Variants in ANKRD30A observed in about 807,000 individuals in gnomAD.
ANKRD30A encodes the protein ankyrin repeat domain-containing protein 30A.
Under a neutral mutation model 166.3 loss-of-function variants are expected in ANKRD30A, and 170 were observed. The observed-to-expected ratio is 1.02, with a 90% CI of 0.90 to 1.16. The LOEUF (loss-of-function observed/expected upper bound fraction) is 1.16. Ranked by LOEUF, ANKRD30A falls within the 50% of genes most tolerant of loss-of-function variation. The pLI is 0.00. For missense variants in ANKRD30A, 1,630 were observed against 1,518.0 expected (o/e 1.07, Z -1.23); for synonymous variants, 564 against 508.9 (o/e 1.11, Z -1.46).
At chr10:37,236,060 G>A (rs564875599), downstream of ANKRD30A, among the ~76,000 whole-genome samples, 14 of 152,234 alleles carry the variant, frequency 9.2e-5, no homozygotes, top group East Asian at 1.4e-3. Flanking sequence ...GAGCCACCGC[G>A]CCGGGCCTGA....
intron 19 of ANKRD30A, 85 bp downstream of exon 19, chr10:37,166,780 A>C: frequency 1.9e-6 from 3 of 1,569,684 alleles, no homozygotes; most frequent in Admixed American, 4.2e-5. Context: ...TAGCTGAAGA[A>C]AATTACCTCC....
At chr10:37,197,067 A>G (rs1456250738) in intron 27 of ANKRD30A, among the ~76,000 whole-genome samples, 1 of 152,168 alleles carries the variant, frequency 6.6e-6, no homozygotes, top group Non-Finnish European at 1.5e-5. Flanking sequence ...TTGAAGTCTT[A>G]ACTGCATGAT....
chr10:37,192,987 T>C (rs1251439072), intron 25 of ANKRD30A, 77 bp from the exon 26 acceptor site: 5 of 1,495,664 alleles, frequency 3.3e-6, no homozygotes, highest in East Asian at 2.3e-5. Flanking sequence ...TTCATCTTCA[T>C]GTTGACAGTG....
In ANKRD30A at chr10:37,219,237, C is replaced by A. The variant is rs1341721140; in HGVS notation, c.3525C>A (p.Asn1175Lys). 3 of 1,610,468 alleles carry A rather than the reference C, an allele frequency of 1.9e-6. No homozygotes were observed. In the Admixed American group the frequency reaches 5.0e-5, roughly 27 times the overall value. Residue 1175 changes from asparagine (N) to lysine (K), a missense_variant, in exon 34 of 36, where the codon AAC (asparagine) becomes AAA (lysine). Coordinates refer to ENST00000361713, the MANE Select transcript of ANKRD30A (RefSeq NM_052997.3). Reference protein sequence around the residue: ...SGQLKVLIAENTMLTSKLKEK... With the variant: ...SGQLKVLIAEKTMLTSKLKEK... ...AGCTTAAAGTTCTGATAGCTGAGAACACAATGCTCACTTCTAAATTGAAGG... is the reference window on the plus strand; with the variant it reads ...AGCTTAAAGTTCTGATAGCTGAGAAAACAATGCTCACTTCTAAATTGAAGG...
chr10:37,183,034 A>G (rs1840137228), intron 24 of ANKRD30A, among the ~76,000 whole-genome samples: 2 of 149,938 alleles, frequency 1.3e-5, no homozygotes, highest in Non-Finnish European at 3.0e-5. Flanking sequence ...TGCCATGTTA[A>G]CTCTAAAACA....
At chr10:37,147,299 A>G (rs1308926213) in intron 8 of ANKRD30A, 71 bp from the exon 9 acceptor site, 1 of 1,214,296 alleles carries the variant, frequency 8.2e-7, no homozygotes, top group African/African-American at 1.6e-5. Flanking sequence ...AGTTTAAAAA[A>G]TATTTTAATT....
At chr10:37,209,860 A>G (rs944876131) in intron 31 of ANKRD30A, among the ~76,000 whole-genome samples, 3 of 151,938 alleles carry the variant, frequency 2.0e-5, no homozygotes, top group East Asian at 3.9e-4. Context: ...TTATTTTCCT[A>G]TTGTTGACAT....
At chr10:37,220,193 C>A in intron 34 of ANKRD30A, among the ~76,000 whole-genome samples, 1 of 150,212 alleles carries the variant, frequency 6.7e-6, no homozygotes, top group South Asian at 2.1e-4. Flanking sequence ...AATAGATTAA[C>A]ATTAATGACA....
chr10:37,160,930 CAT>C (rs1175199049), intron 15 of ANKRD30A, among the ~76,000 whole-genome samples: 6 of 152,238 alleles, frequency 3.9e-5, no homozygotes, highest in Admixed American at 3.9e-4. Flanking sequence ...CTTTAGAAAA[CAT>C]AAACAAAAGA....
Position 37,164,768 on chromosome 10 carries a change from A to C in ANKRD30A, c.2003-326A>C, listed in dbSNP as rs147586533. ...AAGAAATGAGAGATGATAGGTAATT[A>C]CAGTTTTCTGAATGAACAGGAAACC... On this transcript the variant is annotated intron_variant, in intron 17 of 35. Coordinates refer to ENST00000361713, the MANE Select transcript of ANKRD30A (RefSeq NM_052997.3). Among the ~76,000 whole-genome samples the C allele has an allele frequency of 3.7e-3, 569 of 152,226 alleles. 8 individuals carry two copies. The highest frequency in any genetic ancestry group is 0.024 in the Middle Eastern group (7 of 294).
intron 25 of ANKRD30A, among the ~76,000 whole-genome samples, chr10:37,192,140 G>T (rs995910367): frequency 2.0e-5 from 3 of 151,944 alleles, no homozygotes; most frequent in African/African-American, 7.3e-5. Flanking sequence ...GGGTTCAAGT[G>T]ATTCTGGCAC....
intron 12 of ANKRD30A, 90 bp from the exon 13 acceptor site, chr10:37,153,482 T>G: frequency 6.4e-7 from 1 of 1,570,502 alleles, no homozygotes; most frequent in Non-Finnish European, 8.6e-7. Context: ...GAAATTGTGT[T>G]TTTAAAAAAG....
At chr10:37,262,699 T>C in the ANKRD30A span, among the ~76,000 whole-genome samples, 1 of 152,198 alleles carries the variant, frequency 6.6e-6, no homozygotes, top group Non-Finnish European at 1.5e-5. Context: ...AAATTTGCAA[T>C]CCAAATTCTC....
intron 32 of ANKRD30A, among the ~76,000 whole-genome samples, chr10:37,216,815 ATTAC>A (rs1385772541): frequency 6.6e-6 from 1 of 151,144 alleles, no homozygotes; most frequent in Non-Finnish European, 1.5e-5. Context: ...TTATTTGTTC[ATTAC>A]TTCTAAATTG....
intron 24 of ANKRD30A, among the ~76,000 whole-genome samples, chr10:37,183,491 TTTTC>T (rs1488985548): frequency 1.4e-4 from 21 of 146,964 alleles, no homozygotes; most frequent in African/African-American, 5.2e-4. Flanking sequence ...CCTCTGAGTC[TTTTC>T]TCTCTTTTTC....
chr10:37,149,906 T>C, intron 11 of ANKRD30A, 57 bp downstream of exon 11: 1 of 1,602,760 alleles, frequency 6.2e-7, no homozygotes, highest in Non-Finnish European at 8.5e-7. Flanking sequence ...GACATTTTGA[T>C]GGTCTTTCTA....
At chr10:37,162,564 T>A in intron 15 of ANKRD30A, 85 bp from the exon 16 acceptor site, 1 of 1,543,710 alleles carries the variant, frequency 6.5e-7, no homozygotes, top group Non-Finnish European at 8.9e-7. Flanking sequence ...GCAAGAGGAG[T>A]CAGTTAAATA....
chr10:37,246,941 C>G, the ANKRD30A span, among the ~76,000 whole-genome samples: 1 of 152,100 alleles, frequency 6.6e-6, no homozygotes, highest in Admixed American at 6.5e-5. Context: ...TGCCCAGAGC[C>G]CAGGCACAGT....
Position 37,134,028 on chromosome 10 carries a change from T to G in ANKRD30A, c.730T>G (p.Tyr244Asp). The part of the protein sequence containing the change: ...ADICGVTAEH[Y>D]AVTCGFHHIH... ...TATATGTGGAGTAACTGCAGAACAT[T>G]ATGCTGTTACTTGTGGATTTCATCA... The change falls in exon 5 of 36, where the codon TAT becomes GAT. Residue 244 changes from tyrosine (Y) to aspartate (D), a missense_variant. Physicochemically the swap from Tyr to Asp is radical, Grantham distance 160. Coordinates refer to ENST00000361713, the MANE Select transcript of ANKRD30A (RefSeq NM_052997.3). The G allele has an allele frequency of 6.2e-7, 1 of 1,614,020 alleles. No individual in the cohort carries two copies. The highest frequency in any genetic ancestry group is 8.5e-7 in the Non-Finnish European group (1 of 1,179,948).
Sources: gnomAD v4.1 joint callset for allele counts (sites outside exome capture counted in the v4.1 genomes callset) on GRCh38, gnomAD v4.1.1 for gene constraint, MANE v1.5 for transcripts, NCBI Gene and HGNC (gene_info 2026-07-23, HGNC 2026-07-21) for gene names.